Variants in NLK observed in about 807,000 individuals in gnomAD.
NLK encodes the protein nemo like kinase.
NLK carries 11 observed loss-of-function variants against 59.0 expected under a neutral mutation model. That is an observed-to-expected ratio of 0.19 (90% CI 0.12 to 0.31). The LOEUF (loss-of-function observed/expected upper bound fraction) is 0.31. Among genes scored for constraint, NLK ranks in the 10% least tolerant of loss-of-function variants. The pLI, the probability that NLK is intolerant of heterozygous loss-of-function variation, is 1.00. For missense variants in NLK, 410 were observed against 661.1 expected (o/e 0.62, Z 4.16); for synonymous variants, 235 against 235.9 (o/e 1.00, Z 0.03).
chr17:28,172,097 TAATA>T (rs1908486140), intron 6 of NLK, among the ~76,000 whole-genome samples: 1 of 151,208 alleles, frequency 6.6e-6, no homozygotes, highest in African/African-American at 2.4e-5. Flanking sequence ...AACTTTTAAA[TAATA>T]AATAGGAATA....
chr17:28,073,373 C>T (rs1283798196), intron 1 of NLK, among the ~76,000 whole-genome samples: 1 of 152,110 alleles, frequency 6.6e-6, no homozygotes, highest in Admixed American at 6.5e-5. Context: ...AGCAAGTAGC[C>T]CATTAAAACC....
intron 1 of NLK, among the ~76,000 whole-genome samples, chr17:28,060,777 T>C (rs1256615636): frequency 6.6e-6 from 1 of 152,210 alleles, no homozygotes; most frequent in East Asian, 1.9e-4. Context: ...GCAGATGTAG[T>C]GAAACACACA....
intron 3 of NLK, among the ~76,000 whole-genome samples, chr17:28,137,641 T>C (rs1416336990): frequency 6.6e-6 from 1 of 152,142 alleles, no homozygotes; most frequent in African/African-American, 2.4e-5. Context: ...ATCATGCAGT[T>C]AATCATGTAT....
At chr17:28,066,905 A>G (rs1909842584) in intron 1 of NLK, among the ~76,000 whole-genome samples, 2 of 152,132 alleles carry the variant, frequency 1.3e-5, no homozygotes, top group South Asian at 2.1e-4. Flanking sequence ...CCTTTTTTGT[A>G]AAGTATCTAT....
chr17:28,162,824 T>TG (rs1908066993), intron 4 of NLK, among the ~76,000 whole-genome samples: 1 of 151,170 alleles, frequency 6.6e-6, no homozygotes, highest in Admixed American at 6.6e-5. Flanking sequence ...GAGGCTGAGA[T>TG]GGGAGCATGG....
At chr17:28,196,597 A>G (rs35553104), downstream of NLK, among the ~76,000 whole-genome samples, 14 of 152,374 alleles carry the variant, frequency 9.2e-5, no homozygotes, top group Non-Finnish European at 1.8e-4. Context: ...TGATTTAAAT[A>G]TACACAATAG....
chr17:28,104,259 T>C (rs1186201812), intron 1 of NLK, among the ~76,000 whole-genome samples: 1 of 152,118 alleles, frequency 6.6e-6, no homozygotes, highest in Non-Finnish European at 1.5e-5. Flanking sequence ...GACTTTAGTT[T>C]TGTTTTTGTT....
intron 7 of NLK, among the ~76,000 whole-genome samples, chr17:28,183,031 G>A (rs1324643277): frequency 6.6e-6 from 1 of 152,210 alleles, no homozygotes; most frequent in Non-Finnish European, 1.5e-5. Context: ...AAGTTTTATA[G>A]GGAACCCCTG....
chr17:28,188,220 A>G (rs2142071559), intron 8 of NLK, among the ~76,000 whole-genome samples: 1 of 152,316 alleles, frequency 6.6e-6, no homozygotes, highest in South Asian at 2.1e-4. Flanking sequence ...TCTCAAAAAG[A>G]AAGAAATTAA....
chr17:28,069,752 G>A lies in NLK; in HGVS notation c.458+26421G>A, dbSNP rs150840047. ...GGTTTGTCATTATTATTATTATACT[G>A]TAGGAGTCTTATTTCTTTTTCTGAA... On this transcript the variant is annotated intron_variant, in intron 1 of 10. Transcript: ENST00000407008. Among the ~76,000 whole-genome samples, 10 of 151,866 alleles carry A rather than the reference G, an allele frequency of 6.6e-5. No homozygotes were observed. In the East Asian group the frequency reaches 1.9e-3, roughly 29 times the overall value.
intron 3 of NLK, among the ~76,000 whole-genome samples, chr17:28,136,624 C>G (rs1906757283): frequency 6.6e-6 from 1 of 152,062 alleles, no homozygotes; most frequent in South Asian, 2.1e-4. Context: ...TGTTTTGAGA[C>G]AGAATTTCGC....
At chr17:28,180,230 G>T (rs550268779) in intron 7 of NLK, among the ~76,000 whole-genome samples, 2 of 152,216 alleles carry the variant, frequency 1.3e-5, no homozygotes, top group East Asian at 1.9e-4. Flanking sequence ...GTGAAATTTG[G>T]TGGAGGGAGA....
At chr17:28,158,588 CACTT>C (rs1226650548) in intron 3 of NLK, among the ~76,000 whole-genome samples, 1 of 152,072 alleles carries the variant, frequency 6.6e-6, no homozygotes, top group Non-Finnish European at 1.5e-5. Flanking sequence ...TTTGTAATAA[CACTT>C]AGCGTAAAAC....
intron 7 of NLK, among the ~76,000 whole-genome samples, chr17:28,182,251 G>A (rs578176466): frequency 6.6e-6 from 1 of 152,018 alleles, no homozygotes; most frequent in Admixed American, 6.5e-5. Flanking sequence ...GTATCTTCTT[G>A]GTGTTGTTTT....
At chr17:28,150,084 A>G (rs1043655178) in intron 3 of NLK, among the ~76,000 whole-genome samples, 1 of 152,178 alleles carries the variant, frequency 6.6e-6, no homozygotes, top group Non-Finnish European at 1.5e-5. Context: ...TACAATCTAG[A>G]TTTAAATGCA....
intron 1 of NLK, among the ~76,000 whole-genome samples, chr17:28,058,781 G>A (rs1445143799): frequency 6.6e-6 from 1 of 152,174 alleles, no homozygotes; most frequent in African/African-American, 2.4e-5. Context: ...TGTAAAAAAG[G>A]AAGAAAGTTT....
chr17:28,100,571 C>T (rs896279119), intron 1 of NLK, among the ~76,000 whole-genome samples: 2 of 152,048 alleles, frequency 1.3e-5, no homozygotes, highest in Non-Finnish European at 2.9e-5. Flanking sequence ...GGAGACCTTC[C>T]CTCAGTTTTA....
At chr17:28,066,429 T>C (rs190358121) in intron 1 of NLK, among the ~76,000 whole-genome samples, 3 of 152,350 alleles carry the variant, frequency 2.0e-5, no homozygotes, top group Admixed American at 6.5e-5. Flanking sequence ...TGGGCACATT[T>C]CAGTCCTTAC....
chr17:28,093,329 T>A (rs1358484148), intron 1 of NLK, among the ~76,000 whole-genome samples: 1 of 152,202 alleles, frequency 6.6e-6, no homozygotes, highest in Non-Finnish European at 1.5e-5. Context: ...AAACCAAAAT[T>A]GAATGCTCCT....
Sources: allele counts gnomAD v4.1 joint callset (sites outside exome capture counted in the v4.1 genomes callset), GRCh38; gene constraint gnomAD v4.1.1; transcripts MANE v1.5; gene names NCBI Gene and HGNC (gene_info 2026-07-23, HGNC 2026-07-21).